ZNF541: variants seen among roughly 807,000 people sequenced by gnomAD.
ZNF541 encodes the protein zinc finger protein 541.
ZNF541 carries 23 observed loss-of-function variants against 123.5 expected under a neutral mutation model. The observed-to-expected ratio is 0.19, with a 90% confidence interval of 0.13 to 0.26. The LOEUF (loss-of-function observed/expected upper bound fraction) is 0.26. ZNF541 is among the 10% of genes least tolerant of loss of function. ZNF541 has a pLI of 1.00. For synonymous variants in ZNF541, 751 were observed against 754.5 expected, an observed-to-expected ratio of 1.00 and a Z score of 0.08; for missense variants, 1,612 against 1,789.9, an observed-to-expected ratio of 0.90 and a Z score of 1.79.
chr19:47,545,522 T>C lies in ZNF541; in HGVS notation c.1007A>G (p.Glu336Gly). 1 of 1,513,154 alleles carries C rather than the reference T, an allele frequency of 6.6e-7. No individual in the cohort carries two copies. The highest frequency in any genetic ancestry group is 8.9e-7 in the Non-Finnish European group (1 of 1,126,498). 93.7% of individuals were successfully genotyped at this position (1,513,154 alleles called of 1,614,324 possible). The part of the protein sequence containing the change: ...APAALDTELP[E>G]EPCLPQKEPA... The stretch of plus-strand genomic sequence containing the variant: ...CTCTTTCTGTGGGAGGCAAGGCTCC[T>C]CGGGAAGCTCGGTGTCCAGCGCTGC... The change falls in exon 5 of 17, where the codon GAG (glutamate) becomes GGG (glycine). Residue 336 changes from glutamate (E) to glycine (G), a missense_variant. By Grantham distance (98) the Glu-to-Gly change is moderately conservative (BLOSUM62 -2). Transcript: ENST00000391901. The surrounding 1 kb of genome is among the most constrained non-coding windows in gnomAD (Gnocchi z 7.5).
At chr19:47,527,906 T>A (rs1378597539) in intron 14 of ZNF541, among the ~76,000 whole-genome samples, 1 of 142,722 alleles carries the variant, frequency 7.0e-6, no homozygotes, top group East Asian at 2.2e-4. Context: ...TCCATGTTGG[T>A]CAGGCTGGTC....
At chr19:47,523,927 T>C (rs1369053943) in intron 14 of ZNF541, among the ~76,000 whole-genome samples, 2 of 151,924 alleles carry the variant, frequency 1.3e-5, no homozygotes, top group South Asian at 2.1e-4. Context: ...AGCACATGCA[T>C]GGGAAGAGAC....
intron 14 of ZNF541, among the ~76,000 whole-genome samples, chr19:47,526,020 C>T (rs1396853571): frequency 6.6e-6 from 1 of 151,488 alleles, no homozygotes; most frequent in South Asian, 2.1e-4. Context: ...AAAGCACAGT[C>T]CATAAAAGAA....
intron 5 of ZNF541, among the ~76,000 whole-genome samples, chr19:47,542,170 C>T (rs1335550088): frequency 1.3e-5 from 2 of 152,068 alleles, no homozygotes; most frequent in Non-Finnish European, 2.9e-5. Flanking sequence ...TATGCAATGT[C>T]CAGAACAGAC....
intron 2 of ZNF541, among the ~76,000 whole-genome samples, chr19:47,570,716 G>A (rs1413224591): frequency 2.6e-5 from 4 of 151,218 alleles, no homozygotes; most frequent in African/African-American, 9.7e-5. Context: ...AATGCCAGTA[G>A]ATAAAGTTTA....
Position 47,521,395 on chromosome 19 carries a change from G to A in ZNF541, c.3888-18C>T, listed in dbSNP as rs1359919451. 10 of 1,551,540 alleles carry A rather than the reference G, an allele frequency of 6.4e-6. No homozygotes were observed. Among genetic ancestry groups the A allele is most frequent in the Non-Finnish European group, 8.7e-6 (10 of 1,146,896 alleles). The stretch of plus-strand genomic sequence containing the variant: ...CAAACACCCTGAGGAGTCACCAGAG[G>A]ACATGGGGTCAGAGCAGGGAGGAAG... On this transcript the variant is annotated intron_variant, in intron 16 of 16. Coordinates refer to ENST00000391901, the MANE Select transcript of ZNF541 (RefSeq NM_001277075.3). This position sits in a 1 kb window ranked among gnomAD's most constrained non-coding sequence, Gnocchi z 4.2.
intron 4 of ZNF541, among the ~76,000 whole-genome samples, chr19:47,548,721 C>T (rs901453689): frequency 6.6e-6 from 1 of 152,144 alleles, no homozygotes; most frequent in Non-Finnish European, 1.5e-5. Context: ...TCCTCACAGG[C>T]GTGAATTTAG....
intron 11 of ZNF541, 60 bp downstream of exon 11, chr19:47,532,068 A>T: frequency 3.9e-6 from 6 of 1,539,690 alleles, no homozygotes. Flanking sequence ...GAGGAAAAAC[A>T]CCCTGGAAAT....
chr19:47,571,829 T>C (rs1971488141), intron 2 of ZNF541, among the ~76,000 whole-genome samples, 67 bp downstream of exon 2: 1 of 152,088 alleles, frequency 6.6e-6, no homozygotes, highest in Non-Finnish European at 1.5e-5. Context: ...GAAACCCTCT[T>C]GAGAAAGAAC....
intron 2 of ZNF541, among the ~76,000 whole-genome samples, chr19:47,563,762 C>T (rs763058973): frequency 6.6e-5 from 10 of 152,226 alleles, no homozygotes; most frequent in South Asian, 2.1e-4. Flanking sequence ...CTCACCACCA[C>T]GCCTGGCAAA....
chr19:47,565,177 G>A (rs749306689), intron 2 of ZNF541, among the ~76,000 whole-genome samples: 1 of 152,100 alleles, frequency 6.6e-6, no homozygotes, highest in Non-Finnish European at 1.5e-5. Flanking sequence ...GAGGGGATGA[G>A]GGATAAAAGA....
At chr19:47,557,543 G>C (rs886571936) in intron 2 of ZNF541, among the ~76,000 whole-genome samples, 1 of 152,166 alleles carries the variant, frequency 6.6e-6, no homozygotes, top group Non-Finnish European at 1.5e-5. Flanking sequence ...ACAGGCATGA[G>C]AGAGGGAGGG....
rs776907483 is a variant in ZNF541 at position 47,521,843 on chromosome 19, G to C, written c.3711+11C>G. The C allele has an allele frequency of 7.1e-5, 110 of 1,551,126 alleles. No individual in the cohort carries two copies. Among genetic ancestry groups the C allele is most frequent in the Non-Finnish European group, 9.2e-5 (106 of 1,146,730 alleles). ...AGAGAAGAGCTCCCGACACAGCCCT[G>C]GTTCCTCTACCTTTTCCTCTGTCCT... On this transcript the variant is annotated intron_variant, in intron 15 of 16. Coordinates refer to ENST00000391901, the MANE Select transcript of ZNF541 (RefSeq NM_001277075.3). The surrounding 1 kb of genome is among the most constrained non-coding windows in gnomAD (Gnocchi z 4.2).
At chr19:47,559,924 C>G (rs1183244418) in intron 2 of ZNF541, among the ~76,000 whole-genome samples, 1 of 151,962 alleles carries the variant, frequency 6.6e-6, no homozygotes, top group Non-Finnish European at 1.5e-5. Flanking sequence ...ACCCCTGCCC[C>G]ATCCCTACTC....
Position 47,555,611 on chromosome 19 carries a change from G to C in ZNF541, c.246C>G (p.Asp82Glu), listed in dbSNP as rs1970786456. Residue 82 changes from aspartate (D) to glutamate (E), a missense_variant, in exon 3 of 17, where the codon GAC becomes GAG. By Grantham distance (45) the Asp-to-Glu change is conservative. Coordinates refer to ENST00000391901, the MANE Select transcript of ZNF541 (RefSeq NM_001277075.3). The part of the protein sequence containing the change: ...LDTLSLYSGK[D>E]SDSVKLLEEY... The stretch of plus-strand genomic sequence containing the variant: ...CCTCCAGCAGCTTCACAGAATCACT[G>C]TCCTTCCCGGAGTACAGGGACAAGG... 6.4e-7 allele frequency: 1 copy of C among 1,551,434 alleles called. No individual in the cohort carries two copies. Among genetic ancestry groups the C allele is most frequent in the South Asian group, 1.2e-5 (1 of 84,056 alleles).
chr19:47,535,865 A>G (rs1345922813), intron 9 of ZNF541, among the ~76,000 whole-genome samples: 2 of 152,198 alleles, frequency 1.3e-5, no homozygotes, highest in African/African-American at 4.8e-5. Flanking sequence ...AGAGGAATTA[A>G]AGACACACAC....
chr19:47,541,915 T>C (rs1970096266), intron 5 of ZNF541, among the ~76,000 whole-genome samples: 1 of 152,108 alleles, frequency 6.6e-6, no homozygotes, highest in Non-Finnish European at 1.5e-5. Flanking sequence ...CCATAAAAAT[T>C]TGTACATGGG....
Position 47,528,519 on chromosome 19 carries a change from G to A in ZNF541, c.3570+431C>T, listed in dbSNP as rs752359953. On this transcript the variant is annotated intron_variant, in intron 14 of 16. Transcript: ENST00000391901. Reference sequence around the variant, plus strand: ...TTTAGTAGAGACAGGGTTTCACCATGTTGGCCAGGCTGGTCTTGAACTCCT... The same window carrying A: ...TTTAGTAGAGACAGGGTTTCACCATATTGGCCAGGCTGGTCTTGAACTCCT... Among the ~76,000 whole-genome samples the A allele has an allele frequency of 1.4e-4, 21 of 151,880 alleles. 1 individual carries two copies. Among genetic ancestry groups the A allele is most frequent in the Non-Finnish European group, 2.6e-4 (18 of 67,952 alleles).
chr19:47,550,292 A>G (rs569193689), intron 3 of ZNF541, among the ~76,000 whole-genome samples: 1 of 150,702 alleles, frequency 6.6e-6, no homozygotes, highest in East Asian at 1.9e-4. Flanking sequence ...GAAGGAAGGA[A>G]GGAGGAAGGA....
Sources: allele counts gnomAD v4.1 joint callset (sites outside exome capture counted in the v4.1 genomes callset), GRCh38; gene constraint gnomAD v4.1.1; non-coding constraint Gnocchi (gnomAD v3.1); transcripts MANE v1.5; gene names NCBI Gene and HGNC (gene_info 2026-07-23, HGNC 2026-07-21).